TEX14: variants seen among roughly 807,000 people sequenced by gnomAD.
TEX14 encodes the protein testis expressed 14, intercellular bridge forming factor, also known as inactive serine/threonine-protein kinase TEX14.
A neutral mutation model predicts 178.6 loss-of-function variants in TEX14; 168 were observed. The ratio of observed to expected loss-of-function variants is 0.94; its 90% CI spans 0.83 to 1.07. The LOEUF (loss-of-function observed/expected upper bound fraction) is 1.07. Ranked by LOEUF, TEX14 falls within the 50% of genes least tolerant of loss-of-function variation. TEX14 has a pLI of 0.00. For synonymous variants in TEX14, 626 were observed against 634.1 expected (o/e 0.99, Z 0.19); for missense variants, 1,730 against 1,753.6 (o/e 0.99, Z 0.24).
At chr17:58,639,443 G>C (rs766861036) in intron 2 of TEX14, among the ~76,000 whole-genome samples, 2 of 151,892 alleles carry the variant, frequency 1.3e-5, no homozygotes, top group Admixed American at 1.3e-4. Flanking sequence ...GCTCACGCCT[G>C]TAATTGCAGC....
At chr17:58,625,384 C>T (rs950411941) in intron 3 of TEX14, among the ~76,000 whole-genome samples, 1 of 152,204 alleles carries the variant, frequency 6.6e-6, no homozygotes, top group Non-Finnish European at 1.5e-5. Context: ...ATCTGCCCGC[C>T]TCATCCTCCC....
intron 10 of TEX14, among the ~76,000 whole-genome samples, chr17:58,606,903 C>T (rs1435431171): frequency 6.7e-6 from 1 of 150,336 alleles, no homozygotes; most frequent in African/African-American, 2.5e-5. Flanking sequence ...TGGCACGTGC[C>T]TGTAATGCCA....
At chr17:58,671,606 C>A (rs1176195660) in intron 1 of TEX14, among the ~76,000 whole-genome samples, 2 of 152,154 alleles carry the variant, frequency 1.3e-5, no homozygotes, top group Non-Finnish European at 2.9e-5. Flanking sequence ...AAGCCAGCCC[C>A]AGAGCTTCTA....
intron 1 of TEX14, chr17:58,661,269 A>C: frequency 1.2e-6 from 1 of 801,350 alleles, no homozygotes; most frequent in South Asian, 1.3e-5. Flanking sequence ...TATTTTATAA[A>C]GTGTTCGCGA....
intron 2 of TEX14, among the ~76,000 whole-genome samples, chr17:58,639,821 G>A (rs1311474945): frequency 6.6e-6 from 1 of 152,128 alleles, no homozygotes; most frequent in Non-Finnish European, 1.5e-5. Context: ...CGAACGCTAG[G>A]GTCAGGTCAC....
intron 1 of TEX14, among the ~76,000 whole-genome samples, chr17:58,665,496 T>C (rs2047187815): frequency 1.3e-5 from 2 of 152,118 alleles, no homozygotes; most frequent in South Asian, 4.2e-4. Flanking sequence ...ACTCTGAGGC[T>C]GAGGCATGAG....
chr17:58,572,765 C>T (rs931052278), intron 23 of TEX14, among the ~76,000 whole-genome samples: 14 of 152,122 alleles, frequency 9.2e-5, no homozygotes, highest in Admixed American at 8.5e-4. Context: ...ATTTTTTAAA[C>T]CACAAATATA....
rs1598432610 is a variant in TEX14, at chr17:58,670,771, T to TCAAAAAAAAAAAAAAAAAA, written c.-1-18770_-1-18769insTTTTTTTTTTTTTTTTTTG. Among the ~76,000 whole-genome samples, 2 of 7,956 alleles carry TCAAAAAAAAAAAAAAAAAA rather than the reference T, an allele frequency of 2.5e-4. 1 individual carries two copies. The allele number at this position is 7,956 out of a possible 152,430, so 5.2% of individuals were successfully genotyped here. On this transcript the variant is annotated intron_variant, in intron 1 of 31. Coordinates refer to ENST00000349033, the MANE Select transcript of TEX14 (RefSeq NM_031272.5). Reference sequence around the variant, plus strand: ...CTGGGCGACAGAGTGAGACTCCCTCTTAAAAAAAAAAAAAAAAAAAAAAAA... The same window carrying TCAAAAAAAAAAAAAAAAAA: ...CTGGGCGACAGAGTGAGACTCCCTCTCAAAAAAAAAAAAAAAAAATAAAAAAAAAAAAAAAAAAAAAAAA...
intron 15 of TEX14, among the ~76,000 whole-genome samples, chr17:58,592,235 A>AT (rs2045163804): frequency 7.1e-6 from 1 of 140,444 alleles, no homozygotes; most frequent in Non-Finnish European, 1.7e-5. Flanking sequence ...TTATTTATTT[A>AT]ATTTTTTTTT....
At chr17:58,574,148 T>A in intron 22 of TEX14, 39 bp downstream of exon 22, 1 of 1,533,866 alleles carries the variant, frequency 6.5e-7, no homozygotes. Context: ...ACCAAGACTT[T>A]ACACAAGCAT....
At chr17:58,691,702 A>G (rs535079304) in intron 1 of TEX14, among the ~76,000 whole-genome samples, 255 of 149,530 alleles carry the variant, frequency 1.7e-3, no homozygotes, top group Admixed American at 2.9e-3. Flanking sequence ...ATAGGTAGGG[A>G]ATAAGTTACC....
At chr17:58,671,438 A>G (rs2047302031) in intron 1 of TEX14, among the ~76,000 whole-genome samples, 1 of 152,100 alleles carries the variant, frequency 6.6e-6, no homozygotes, top group Admixed American at 6.6e-5. Flanking sequence ...AGACCAGCAC[A>G]TATCTCTAAC....
At chr17:58,686,657 G>C (rs302877) in intron 1 of TEX14, among the ~76,000 whole-genome samples, 2 of 151,794 alleles carry the variant, frequency 1.3e-5, no homozygotes. Context: ...TCAAAGAGTC[G>C]TGGACAACAA....
At position 58,615,326 on chromosome 17, in the gene TEX14, T is replaced by C. The variant is rs1281141247; in HGVS notation, c.787A>G (p.Arg263Gly). ...AGATTCAGCTCTTTCACTGTGACCCTGCTCCCATTCCACACTAGGCTACAA... is the reference window on the plus strand; with the variant it reads ...AGATTCAGCTCTTTCACTGTGACCCCGCTCCCATTCCACACTAGGCTACAA... ...VMTNLVWNGS[R>G]VTVKELNLPT... Residue 263 changes from arginine (R) to glycine (G), a missense_variant, in exon 8 of 32, where the codon AGG becomes GGG. By Grantham distance (125) the Arg-to-Gly change is moderately radical. Transcript: ENST00000349033. The C allele has an allele frequency of 6.2e-7, 1 of 1,611,408 alleles. No individual in the cohort carries two copies. Among genetic ancestry groups the C allele is most frequent in the South Asian group, 1.1e-5 (1 of 91,014 alleles).
intron 1 of TEX14, among the ~76,000 whole-genome samples, chr17:58,666,310 T>G (rs150762524): frequency 6.6e-6 from 1 of 151,916 alleles, no homozygotes; most frequent in East Asian, 1.9e-4. Flanking sequence ...ATTGCTCCAC[T>G]GCACTCCAGC....
At chr17:58,683,765 A>G (rs527743594) in intron 1 of TEX14, among the ~76,000 whole-genome samples, 1 of 149,474 alleles carries the variant, frequency 6.7e-6, no homozygotes, top group Non-Finnish European at 1.5e-5. Context: ...TCCAGCTCAA[A>G]AAAAAAAAAA....
intron 3 of TEX14, among the ~76,000 whole-genome samples, chr17:58,627,989 G>A (rs367794514): frequency 1.8e-3 from 248 of 137,522 alleles, no homozygotes; most frequent in African/African-American, 6.5e-3. Flanking sequence ...TCCTGGGCTC[G>A]AGCAATCCTC....
rs778382351 is a variant in TEX14, at chr17:58,573,264, G to C, written c.3428C>G (p.Pro1143Arg). The C allele has an allele frequency of 6.2e-7, 1 of 1,613,464 alleles. No individual in the cohort carries two copies. The highest frequency in any genetic ancestry group is 1.7e-5 in the Admixed American group (1 of 60,022). ...IQDLSSISYE[P>R]DSSFKEASCK... The stretch of plus-strand genomic sequence containing the variant: ...TGAAGCTTCCTTAAAAGAGCTGTCT[G>C]GTTCATAGGAGATACTAGACAGGTC... Residue 1143 changes from proline to arginine, a missense_variant, in exon 23 of 32, where the codon CCA becomes CGA. This residue lies in a region of TEX14 where 941 missense variants were observed against 1,072.4 expected (regional missense o/e 0.88). Transcript: ENST00000349033.
In TEX14 at chr17:58,574,176, G is replaced by A. The variant is rs200089612; in HGVS notation, c.3383+11C>T. Reference sequence around the variant, plus strand: ...ACAAGCATCCCTAGGCATTCTCTTTGGTGATCATACATGTCTTTCTCTTTC... The same window carrying A: ...ACAAGCATCCCTAGGCATTCTCTTTAGTGATCATACATGTCTTTCTCTTTC... On this transcript the variant is annotated intron_variant, in intron 22 of 31. Transcript: ENST00000349033. 2 of 1,607,054 alleles carry A rather than the reference G, an allele frequency of 1.2e-6. No homozygotes were observed. The highest frequency in any genetic ancestry group is 2.7e-5 in the African/African-American group (2 of 74,888).
Sources: gnomAD v4.1 joint callset for allele counts (sites outside exome capture counted in the v4.1 genomes callset) on GRCh38, gnomAD v4.1.1 for gene constraint, gnomAD v4.1.1 regional missense constraint, MANE v1.5 for transcripts, NCBI Gene and HGNC (gene_info 2026-07-23, HGNC 2026-07-21) for gene names.